The following ARL15 variants were observed in gnomAD, a reference collection of about 807,000 sequenced individuals.
ARL15 encodes the protein ARF like GTPase 15, also known as ADP-ribosylation factor-like protein 15.
In ARL15, 19 loss-of-function variants were observed where a neutral mutation model predicts 25.2. The observed-to-expected ratio is 0.75, with a 90% CI of 0.53 to 1.10. The LOEUF (loss-of-function observed/expected upper bound fraction) is 1.10. Ranked by LOEUF, ARL15 falls within the 50% of genes least tolerant of loss-of-function variation. The pLI is 0.00. For synonymous variants in ARL15, 94 were observed against 86.8 expected, an observed-to-expected ratio of 1.08 and a Z score of -0.46; for missense variants, 220 against 246.0, an observed-to-expected ratio of 0.89 and a Z score of 0.71.
chr5:54,029,333 T>TACCACCACCAACACC (rs1749893561), intron 4 of ARL15, among the ~76,000 whole-genome samples: 1 of 94,664 alleles, frequency 1.1e-5, no homozygotes, highest in Non-Finnish European at 2.1e-5. Flanking sequence ...CCACCACCAC[T>TACCACCACCAACACC]ACCACCACCA....
intron 1 of ARL15, among the ~76,000 whole-genome samples, chr5:54,188,674 T>C (rs1755308960): frequency 6.6e-6 from 1 of 152,114 alleles, no homozygotes; most frequent in African/African-American, 2.4e-5. Flanking sequence ...GCAAGAATTC[T>C]CTGATATGTA....
chr5:54,275,419 G>A (rs1267021912), intron 1 of ARL15, among the ~76,000 whole-genome samples: 1 of 152,094 alleles, frequency 6.6e-6, no homozygotes, highest in African/African-American at 2.4e-5. Context: ...TTAAGTTCTG[G>A]CAACTGGGAT....
chr5:54,168,111 G>GAT (rs1317469696), intron 2 of ARL15, among the ~76,000 whole-genome samples: 2 of 152,182 alleles, frequency 1.3e-5, no homozygotes, highest in Non-Finnish European at 2.9e-5. Context: ...TTTGTTAACT[G>GAT]ATATATCCTC....
intron 3 of ARL15, among the ~76,000 whole-genome samples, chr5:54,137,539 A>T (rs1753640669): frequency 6.6e-6 from 1 of 152,178 alleles, no homozygotes; most frequent in African/African-American, 2.4e-5. Context: ...AATCAAGGTT[A>T]ATATTTCAGC....
intron 1 of ARL15, among the ~76,000 whole-genome samples, chr5:54,179,284 C>T (rs145462392): frequency 3.4e-3 from 519 of 152,230 alleles, no homozygotes; most frequent in African/African-American, 0.011. Context: ...AGGGTTATTC[C>T]ACTCCAGAGC....
intron 1 of ARL15, among the ~76,000 whole-genome samples, chr5:54,174,013 T>C (rs912362288): frequency 2.6e-5 from 4 of 152,156 alleles, no homozygotes; most frequent in African/African-American, 7.2e-5. Context: ...AATCCTAAGA[T>C]TGTGTTAGCA....
At chr5:54,184,168 G>A (rs1233268909) in intron 1 of ARL15, among the ~76,000 whole-genome samples, 7 of 130,798 alleles carry the variant, frequency 5.4e-5, no homozygotes. Flanking sequence ...ATTAATGGGT[G>A]CAGCACACCA....
chr5:54,169,643 C>T (rs1421558888), intron 2 of ARL15, among the ~76,000 whole-genome samples: 1 of 152,234 alleles, frequency 6.6e-6, no homozygotes, highest in East Asian at 1.9e-4. Flanking sequence ...AACCTTGTGA[C>T]AGACTCTGGG....
intron 4 of ARL15, among the ~76,000 whole-genome samples, chr5:53,954,512 G>C (rs536788740): frequency 6.6e-6 from 1 of 152,118 alleles, no homozygotes; most frequent in Middle Eastern, 3.4e-3. Context: ...ATGTCCCTGC[G>C]TTTCCCACTT....
At chr5:53,891,302 C>T (rs1041244521) in intron 4 of ARL15, among the ~76,000 whole-genome samples, 2 of 152,154 alleles carry the variant, frequency 1.3e-5, no homozygotes, top group East Asian at 3.9e-4. Flanking sequence ...ATGTTCTCAG[C>T]TCAGATATTT....
At chr5:54,282,309 G>A (rs1758078707) in intron 1 of ARL15, 2 of 985,368 alleles carry the variant, frequency 2.0e-6, no homozygotes, top group Non-Finnish European at 2.4e-6. Flanking sequence ...AATGAGATCT[G>A]GATGCATTCA....
intron 4 of ARL15, among the ~76,000 whole-genome samples, chr5:53,890,527 G>A (rs184196601): frequency 1.0e-3 from 157 of 152,280 alleles, no homozygotes; most frequent in African/African-American, 3.6e-3. Context: ...GTTTCACATT[G>A]GCCTTTGGAG....
chr5:54,079,173 T>C (rs1368102425), intron 4 of ARL15, among the ~76,000 whole-genome samples: 1 of 152,208 alleles, frequency 6.6e-6, no homozygotes, highest in Non-Finnish European at 1.5e-5. Flanking sequence ...TCCTATATTA[T>C]ACCATTATTT....
At position 54,071,768 on chromosome 5, in the gene ARL15, G is replaced by A. The variant is rs539412846; in HGVS notation, c.462+41434C>T. On this transcript the variant is annotated intron_variant, in intron 4 of 4. Transcript: ENST00000504924. Reference sequence around the variant, plus strand: ...GGGCAGATTACGAGGTCAGGAGATCGAGACCATCCTGGCTAACACGGTGAA... The same window carrying A: ...GGGCAGATTACGAGGTCAGGAGATCAAGACCATCCTGGCTAACACGGTGAA... 6.6e-5 allele frequency among the ~76,000 whole-genome samples: 10 copies of A among 151,996 alleles called. No homozygotes were observed. In the South Asian group the frequency reaches 1.2e-3, roughly 19 times the overall value.
At chr5:54,095,530 G>C (rs1199170597) in intron 4 of ARL15, among the ~76,000 whole-genome samples, 2 of 152,148 alleles carry the variant, frequency 1.3e-5, no homozygotes, top group African/African-American at 4.8e-5. Flanking sequence ...GAAAGCTTAG[G>C]GAGGAAGCTG....
chr5:54,091,272 T>C (rs570513705), intron 4 of ARL15, among the ~76,000 whole-genome samples: 10 of 152,332 alleles, frequency 6.6e-5, no homozygotes, highest in African/African-American at 2.4e-4. Context: ...AACAACCTTT[T>C]GGCAAATGCT....
intron 4 of ARL15, among the ~76,000 whole-genome samples, chr5:53,970,492 G>A (rs1747707557): frequency 6.6e-6 from 1 of 152,048 alleles, no homozygotes; most frequent in African/African-American, 2.4e-5. Context: ...GAGAAAGAGA[G>A]AGAGAGAGGG....
chr5:54,149,551 C>G (rs1433921939), intron 3 of ARL15, among the ~76,000 whole-genome samples: 1 of 152,124 alleles, frequency 6.6e-6, no homozygotes, highest in Admixed American at 6.5e-5. Flanking sequence ...ATAGGCCAAG[C>G]AAATTCTCAG....
intron 1 of ARL15, among the ~76,000 whole-genome samples, chr5:54,237,848 CAGAT>C (rs894452426): frequency 1.3e-5 from 2 of 152,142 alleles, no homozygotes; most frequent in South Asian, 2.1e-4. Context: ...AAGCGGGAAA[CAGAT>C]GGATGACTCA....
Sources: gnomAD v4.1 joint callset for allele counts (sites outside exome capture counted in the v4.1 genomes callset) on GRCh38, gnomAD v4.1.1 for gene constraint, MANE v1.5 for transcripts, NCBI Gene and HGNC (gene_info 2026-07-23, HGNC 2026-07-21) for gene names.